Variants in GRHL2 observed in about 807,000 individuals in gnomAD.
The protein encoded by GRHL2 is grainyhead-like protein 2 homolog.
Under a neutral mutation model 83.8 loss-of-function variants are expected in GRHL2, and 21 were observed. The observed-to-expected ratio is 0.25, with a 90% CI of 0.18 to 0.36. The LOEUF is 0.36. GRHL2 is among the 10% of genes least tolerant of loss of function. GRHL2 has a pLI of 1.00. For missense variants in GRHL2, 623 were observed against 781.8 expected (o/e 0.80, Z 2.42); for synonymous variants, 280 against 278.9 (o/e 1.00, Z -0.04).
chr8:101,665,102 G>A (rs1284812580), intron 15 of GRHL2, among the ~76,000 whole-genome samples: 2 of 152,242 alleles, frequency 1.3e-5, no homozygotes, highest in African/African-American at 2.4e-5. Flanking sequence ...TCTTATCGCT[G>A]ATTTATTGAT....
At position 101,669,712 on chromosome 8, in the gene GRHL2, A is replaced by AACAT. The variant is rs1479832927; in HGVS notation, c.*3011_*3014dup. ...TTAAGGAGAAAAAATAAATATTCAT[A>AACAT]ACATAAGAGTAAAACAACAGTGTCT... On this transcript the variant is annotated 3_prime_UTR_variant, in exon 16 of 16. Transcript: ENST00000646743. 1.3e-5 allele frequency: 2 copies of AACAT among 152,214 alleles called. No individual in the cohort carries two copies. Among genetic ancestry groups the AACAT allele is most frequent in the African/African-American group, 4.8e-5 (2 of 41,336 alleles). 9.4% of individuals were successfully genotyped at this position (152,214 alleles called of 1,614,324 possible). A position where few individuals can be genotyped will look rare whatever the true frequency, so the allele number is the denominator to read the frequency against.
chr8:101,539,942 G>C (rs1268440237), intron 1 of GRHL2, among the ~76,000 whole-genome samples: 1 of 152,136 alleles, frequency 6.6e-6, no homozygotes, highest in Admixed American at 6.5e-5. Context: ...TGGCAGGTAC[G>C]TGGGGTAAAG....
At chr8:101,556,088 G>T (rs1188110677) in intron 3 of GRHL2, among the ~76,000 whole-genome samples, 5 of 152,164 alleles carry the variant, frequency 3.3e-5, no homozygotes, top group African/African-American at 1.2e-4. Context: ...CTCCTGAGTA[G>T]CTGGGATTAC....
intron 12 of GRHL2, among the ~76,000 whole-genome samples, chr8:101,642,230 T>G (rs901208787): frequency 3.3e-5 from 5 of 152,174 alleles, no homozygotes; most frequent in African/African-American, 1.2e-4. Flanking sequence ...TCCTACTGAG[T>G]TTATAGATTT....
chr8:101,575,809 G>A (rs149676559), intron 6 of GRHL2, among the ~76,000 whole-genome samples: 133 of 152,352 alleles, frequency 8.7e-4, no homozygotes, highest in African/African-American at 3.0e-3. Flanking sequence ...AGTTTGAGGC[G>A]TGGCAGAGGG....
intron 1 of GRHL2, among the ~76,000 whole-genome samples, chr8:101,535,486 T>C (rs1811026427): frequency 1.3e-5 from 2 of 152,148 alleles, no homozygotes; most frequent in Admixed American, 1.3e-4. Flanking sequence ...TGCCACTGTT[T>C]TGGTGTCATT....
chr8:101,607,680 T>C (rs529818258), intron 8 of GRHL2, among the ~76,000 whole-genome samples: 12 of 152,312 alleles, frequency 7.9e-5, no homozygotes, highest in Middle Eastern at 3.4e-3. Flanking sequence ...AAGATTGAAT[T>C]GCACACTGCA....
At chr8:101,629,572 C>T in intron 9 of GRHL2, among the ~76,000 whole-genome samples, 1 of 151,904 alleles carries the variant, frequency 6.6e-6, no homozygotes, top group East Asian at 1.9e-4. Flanking sequence ...CAAAATAAAA[C>T]ATTAACTCAG....
intron 13 of GRHL2, among the ~76,000 whole-genome samples, chr8:101,646,079 C>T (rs1045697085): frequency 6.6e-6 from 1 of 152,022 alleles, no homozygotes; most frequent in African/African-American, 2.4e-5. Flanking sequence ...GTTGTCCAGG[C>T]TGGTCTCGAA....
Position 101,522,270 on chromosome 8 carries a change from G to GA in GRHL2, c.21-20963dup, listed in dbSNP as rs1302965597. 6.6e-5 allele frequency among the ~76,000 whole-genome samples: 10 copies of GA among 150,748 alleles called. No homozygotes were observed. The East Asian group carries it at 1.2e-3, about 18-fold the overall frequency. ...ACCAGCTGTATTTCAAAGATAGTCA[G>GA]AAAAAAAATAATAACAATAATAACA... On this transcript the variant is annotated intron_variant, in intron 1 of 15. Coordinates refer to ENST00000646743, the MANE Select transcript of GRHL2 (RefSeq NM_024915.4).
At chr8:101,657,745 C>T (rs972999388) in intron 14 of GRHL2, among the ~76,000 whole-genome samples, 1 of 150,672 alleles carries the variant, frequency 6.6e-6, no homozygotes, top group Admixed American at 6.6e-5. Flanking sequence ...GAGGCTGAGG[C>T]AGGAGAATGG....
chr8:101,656,116 A>G (rs1813780666), intron 14 of GRHL2, among the ~76,000 whole-genome samples: 1 of 152,194 alleles, frequency 6.6e-6, no homozygotes, highest in Non-Finnish European at 1.5e-5. Flanking sequence ...CACAGCACTT[A>G]TCACCACTTG....
intron 6 of GRHL2, among the ~76,000 whole-genome samples, 178 bp downstream of exon 6, chr8:101,574,002 A>G (rs1811882082): frequency 6.6e-6 from 1 of 152,262 alleles, no homozygotes; most frequent in African/African-American, 2.4e-5. Context: ...CATTGTAATC[A>G]GTAACCAGTA....
intron 14 of GRHL2, among the ~76,000 whole-genome samples, chr8:101,653,629 C>T (rs377539336): frequency 1.3e-5 from 2 of 152,196 alleles, no homozygotes; most frequent in South Asian, 4.1e-4. Context: ...GTAGTCCCAG[C>T]CACTTAAGAG....
intron 7 of GRHL2, among the ~76,000 whole-genome samples, chr8:101,586,840 G>T (rs1295123388): frequency 6.6e-6 from 1 of 152,144 alleles, no homozygotes; most frequent in Non-Finnish European, 1.5e-5. Context: ...CCTCTTTCAT[G>T]CTGAAAGAAT....
rs1554598243 is a variant in GRHL2, at chr8:101,663,635, A to AATTAATT, written c.1699-818_1699-817insTTAATTA. 9.9e-3 allele frequency among the ~76,000 whole-genome samples: 1,502 copies of AATTAATT among 151,440 alleles called. 18 individuals carry two copies. Among genetic ancestry groups the AATTAATT allele is most frequent in the South Asian group, 0.034 (165 of 4,804 alleles). Reference sequence around the variant, plus strand: ...TCAAAAAATAAATAAATAAATAAATAAATAAATAAAAATAAAAGTAGTATC... The same window carrying AATTAATT: ...TCAAAAAATAAATAAATAAATAAATAATTAATTAATAAATAAAAATAAAAGTAGTATC... On this transcript the variant is annotated intron_variant, in intron 14 of 15. Coordinates refer to ENST00000646743, the MANE Select transcript of GRHL2 (RefSeq NM_024915.4).
chr8:101,632,822 G>A (rs1207500014), intron 11 of GRHL2, among the ~76,000 whole-genome samples: 1 of 152,154 alleles, frequency 6.6e-6, no homozygotes, highest in African/African-American at 2.4e-5. Context: ...CCATTTAATA[G>A]GTAAATCATT....
intron 4 of GRHL2, among the ~76,000 whole-genome samples, chr8:101,568,548 A>G (rs941172175): frequency 3.3e-5 from 5 of 152,102 alleles, no homozygotes; most frequent in Non-Finnish European, 7.3e-5. Flanking sequence ...TGAATGATTC[A>G]ACATAGACTT....
chr8:101,660,188 C>T (rs529571897), intron 14 of GRHL2, among the ~76,000 whole-genome samples: 2 of 152,304 alleles, frequency 1.3e-5, no homozygotes, highest in South Asian at 4.1e-4. Context: ...ATAATTTTTG[C>T]TTAAGTGCCA....
Sources: gnomAD v4.1 joint callset for allele counts (sites outside exome capture counted in the v4.1 genomes callset) on GRCh38, gnomAD v4.1.1 for gene constraint, MANE v1.5 for transcripts, NCBI Gene and HGNC (gene_info 2026-07-23, HGNC 2026-07-21) for gene names.